PTPRZ1: variants seen among roughly 807,000 people sequenced by gnomAD.
PTPRZ1 encodes receptor-type tyrosine-protein phosphatase zeta.
Under a neutral mutation model 214.1 loss-of-function variants are expected in PTPRZ1, and 82 were observed. The ratio of observed to expected loss-of-function variants is 0.38; its 90% CI spans 0.32 to 0.46. PTPRZ1 has a LOEUF of 0.46. PTPRZ1 is among the 20% of genes least tolerant of loss of function. PTPRZ1 has a pLI of 1.00. For missense variants in PTPRZ1, 2,603 were observed against 2,748.7 expected, an observed-to-expected ratio of 0.95 and a Z score of 1.19; for synonymous variants, 945 against 987.9, an observed-to-expected ratio of 0.96 and a Z score of 0.81.
intron 1 of PTPRZ1, among the ~76,000 whole-genome samples, chr7:121,896,589 T>G (rs1044068573): frequency 1.3e-5 from 2 of 151,980 alleles, no homozygotes; most frequent in African/African-American, 4.8e-5. Flanking sequence ...CTGGCTAACA[T>G]GGTGAAACCC....
At chr7:121,970,685 C>G (rs1268476199) in intron 3 of PTPRZ1, among the ~76,000 whole-genome samples, 1 of 151,726 alleles carries the variant, frequency 6.6e-6, no homozygotes, top group Non-Finnish European at 1.5e-5. Context: ...TAAGTTCTTT[C>G]TAGATTCTGG....
chr7:121,943,016 C>T (rs1796272994), intron 2 of PTPRZ1, among the ~76,000 whole-genome samples: 1 of 152,116 alleles, frequency 6.6e-6, no homozygotes, highest in Admixed American at 6.5e-5. Flanking sequence ...GTTACAGGTT[C>T]ATACTGAACA....
chr7:121,974,586 C>T (rs1797371730), intron 4 of PTPRZ1, among the ~76,000 whole-genome samples: 1 of 152,166 alleles, frequency 6.6e-6, no homozygotes, highest in Non-Finnish European at 1.5e-5. Flanking sequence ...CTCCTGTGTT[C>T]AAGCAATTCT....
intron 2 of PTPRZ1, among the ~76,000 whole-genome samples, chr7:121,937,151 A>G (rs1226582652): frequency 6.6e-6 from 1 of 152,186 alleles, no homozygotes; most frequent in African/African-American, 2.4e-5. Context: ...TCATTCTTCA[A>G]TTGCATAATT....
At chr7:122,046,714 G>T (rs1392649994) in intron 23 of PTPRZ1, among the ~76,000 whole-genome samples, 3 of 152,084 alleles carry the variant, frequency 2.0e-5, no homozygotes, top group African/African-American at 7.2e-5. Context: ...GAGGTGTGGT[G>T]AGGGAGAAGA....
chr7:121,965,185 G>C (rs1484411540), intron 2 of PTPRZ1, among the ~76,000 whole-genome samples: 1 of 152,174 alleles, frequency 6.6e-6, no homozygotes, highest in Non-Finnish European at 1.5e-5. Flanking sequence ...TGGGTCAGGA[G>C]CTGAGGAGGA....
intron 6 of PTPRZ1, among the ~76,000 whole-genome samples, chr7:121,979,308 T>C (rs1401378528): frequency 6.6e-6 from 1 of 152,042 alleles, no homozygotes; most frequent in Admixed American, 6.6e-5. Context: ...ACTGAGATAA[T>C]GAATTAATAT....
chr7:122,034,498 A>T (rs1206805362), intron 17 of PTPRZ1, 120 bp downstream of exon 17: 2 of 748,338 alleles, frequency 2.7e-6, no homozygotes, highest in Admixed American at 5.1e-5. Flanking sequence ...CCTTTTTATC[A>T]GGGAATAATA....
intron 1 of PTPRZ1, among the ~76,000 whole-genome samples, chr7:121,882,073 A>G (rs1269151148): frequency 1.3e-5 from 2 of 152,242 alleles, no homozygotes; most frequent in Non-Finnish European, 2.9e-5. Context: ...AAAAGCACCA[A>G]TAACTCCATT....
At chr7:121,895,807 G>A (rs957351269) in intron 1 of PTPRZ1, among the ~76,000 whole-genome samples, 1 of 152,142 alleles carries the variant, frequency 6.6e-6, no homozygotes, top group Non-Finnish European at 1.5e-5. Context: ...TCAGATATTA[G>A]GCAGTTCTCA....
At chr7:121,981,145 A>AC (rs1797599312) in intron 6 of PTPRZ1, among the ~76,000 whole-genome samples, 1 of 151,788 alleles carries the variant, frequency 6.6e-6, no homozygotes, top group Non-Finnish European at 1.5e-5. Context: ...CGTCTCAAAA[A>AC]AAAAAAAAAG....
Position 122,039,538 on chromosome 7 carries a change from G to C in PTPRZ1, c.5587G>C (p.Ala1863Pro), listed in dbSNP as rs1431765624. The change falls in exon 20 of 30, where the codon GCC becomes CCC. Residue 1863 changes from alanine (A) to proline (P), a missense_variant. By Grantham distance (27) the Ala-to-Pro change is conservative (BLOSUM62 -1). Around this residue, in one of 6 missense-constraint regions of PTPRZ1, gnomAD observed 1,913 missense variants for 1,914.3 expected, o/e 1.00. Coordinates refer to ENST00000393386, the MANE Select transcript of PTPRZ1 (RefSeq NM_002851.3). ...CACTCAGAAGAGTGTGCAAGTGCTT[G>C]CCTATTATACTGTGAGGAATTTTAC... ...LVTQKSVQVL[A>P]YYTVRNFTLR... The C allele has an allele frequency of 1.2e-6, 2 of 1,613,904 alleles. No homozygotes were observed. The highest frequency in any genetic ancestry group is 2.7e-5 in the African/African-American group (2 of 74,904).
intron 4 of PTPRZ1, among the ~76,000 whole-genome samples, chr7:121,973,611 TAA>T (rs1233852244): frequency 6.6e-6 from 1 of 152,062 alleles, no homozygotes; most frequent in Non-Finnish European, 1.5e-5. Flanking sequence ...CTATGGAAAT[TAA>T]ATGAGGGATT....
chr7:121,917,213 C>T (rs1584635757), intron 1 of PTPRZ1, among the ~76,000 whole-genome samples: 1 of 152,290 alleles, frequency 6.6e-6, no homozygotes, highest in East Asian at 1.9e-4. Context: ...TAGATGTAAT[C>T]TTTTTTGTAC....
At chr7:121,927,524 A>G (rs1795800323) in intron 1 of PTPRZ1, among the ~76,000 whole-genome samples, 2 of 152,160 alleles carry the variant, frequency 1.3e-5, no homozygotes, top group South Asian at 4.1e-4. Context: ...GGCATTGACT[A>G]TTTTTATGGC....
chr7:121,994,289 C>CTTTTTTTTTTTTTT (rs35332072), intron 8 of PTPRZ1, among the ~76,000 whole-genome samples: 4 of 75,346 alleles, frequency 5.3e-5, no homozygotes, highest in Non-Finnish European at 9.0e-5. Flanking sequence ...TAATGCATTT[C>CTTTTTTTTTTTTTT]TTTTTTTTTT....
intron 1 of PTPRZ1, chr7:121,908,627 G>A (rs1407369954): frequency 5.0e-6 from 2 of 397,028 alleles, no homozygotes; most frequent in Non-Finnish European, 9.6e-6. Flanking sequence ...TTAATTACAA[G>A]TAACCATACT....
chr7:121,904,816 C>T (rs561459696), intron 1 of PTPRZ1, among the ~76,000 whole-genome samples: 1 of 152,194 alleles, frequency 6.6e-6, no homozygotes, highest in East Asian at 1.9e-4. Context: ...GAAAACATAA[C>T]CTTTCATGTC....
intron 2 of PTPRZ1, among the ~76,000 whole-genome samples, chr7:121,943,479 GTGC>G (rs1796288284): frequency 6.6e-6 from 1 of 152,070 alleles, no homozygotes; most frequent in Non-Finnish European, 1.5e-5. Flanking sequence ...GGGACTACAG[GTGC>G]CCGCCACCAT....
Sources: gnomAD v4.1 joint callset for allele counts (sites outside exome capture counted in the v4.1 genomes callset) on GRCh38, gnomAD v4.1.1 for gene constraint, gnomAD v4.1.1 regional missense constraint, MANE v1.5 for transcripts, NCBI Gene and HGNC (gene_info 2026-07-23, HGNC 2026-07-21) for gene names.